Variants in STK32A observed in about 807,000 individuals in gnomAD.
STK32A encodes the protein serine/threonine-protein kinase 32A.
STK32A carries 41 observed loss-of-function variants against 53.2 expected under a neutral mutation model. The ratio of observed to expected loss-of-function variants is 0.77; its 90% CI spans 0.60 to 1.00. STK32A has a LOEUF of 1.00. STK32A is among the 50% of genes least tolerant of loss of function. The pLI is 0.00. For synonymous variants in STK32A, 166 were observed against 162.8 expected, an observed-to-expected ratio of 1.02 and a Z score of -0.15; for missense variants, 458 against 485.8, an observed-to-expected ratio of 0.94 and a Z score of 0.54.
At chr5:147,302,715 C>T (rs1428821204) in intron 4 of STK32A, among the ~76,000 whole-genome samples, 2 of 152,092 alleles carry the variant, frequency 1.3e-5, no homozygotes, top group Admixed American at 1.3e-4. Context: ...GAGAGGTAAG[C>T]TATAATCTAA....
At chr5:147,328,141 C>A (rs1397061404) in intron 5 of STK32A, among the ~76,000 whole-genome samples, 1 of 152,174 alleles carries the variant, frequency 6.6e-6, no homozygotes, top group East Asian at 1.9e-4. Context: ...GTAAATGGGA[C>A]TTTTAACAGC....
Position 147,323,898 on chromosome 5 carries a change from G to T in STK32A, c.261G>T (p.Trp87Cys), listed in dbSNP as rs1183816458. ...GTTTTCTCTTCTAATGTAATTCCAG[G>T]TATTCCTTCCAAGATGAGGAAGACA... is the stretch of plus-strand genomic sequence containing the variant. ...GLEHPFLVNLWYSFQDEEDMF... is the reference protein window; with the variant it reads ...GLEHPFLVNLCYSFQDEEDMF... Residue 87 changes from tryptophan to cysteine, a missense_variant and splice_region_variant, in exon 5 of 13, where the codon TGG becomes TGT. Coordinates refer to ENST00000397936, the MANE Select transcript of STK32A (RefSeq NM_001112724.2). The T allele has an allele frequency of 6.8e-6, 11 of 1,611,420 alleles. No individual in the cohort carries two copies. The highest frequency in any genetic ancestry group is 2.2e-5 in the East Asian group (1 of 44,844).
intron 4 of STK32A, among the ~76,000 whole-genome samples, chr5:147,313,359 T>C (rs1303209794): frequency 6.6e-6 from 1 of 152,172 alleles, no homozygotes; most frequent in Non-Finnish European, 1.5e-5. Context: ...TGGGGACAGG[T>C]TGAGTAATCA....
intron 4 of STK32A, among the ~76,000 whole-genome samples, chr5:147,306,030 C>T (rs1561707298): frequency 6.6e-6 from 1 of 151,646 alleles, no homozygotes; most frequent in Non-Finnish European, 1.5e-5. Flanking sequence ...AGCTGGCAAA[C>T]AATTTTCCAA....
intron 2 of STK32A, among the ~76,000 whole-genome samples, chr5:147,247,604 G>A (rs1032988955): frequency 1.3e-5 from 2 of 152,108 alleles, no homozygotes; most frequent in African/African-American, 2.4e-5. Context: ...TTTCTGTGAT[G>A]GGCCTGATAC....
rs184520074 is a variant in STK32A at position 147,374,690 on chromosome 5, A to G, written c.904-400A>G. Among the ~76,000 whole-genome samples the G allele has an allele frequency of 3.6e-3, 547 of 152,228 alleles. 2 individuals carry two copies. Among genetic ancestry groups the G allele is most frequent in the South Asian group, 0.019 (94 of 4,826 alleles). ...ATCGGAATCATCTGGGAAGCTCATT[A>G]AAGTGCAAGTTCTTGGACCTCACAT... On this transcript the variant is annotated intron_variant, in intron 10 of 12. Coordinates refer to ENST00000397936, the MANE Select transcript of STK32A (RefSeq NM_001112724.2).
At chr5:147,372,647 A>C (rs1462470798) in intron 9 of STK32A, among the ~76,000 whole-genome samples, 1 of 152,046 alleles carries the variant, frequency 6.6e-6, no homozygotes, top group African/African-American at 2.4e-5. Context: ...TCAATTAGTA[A>C]AATCTAGAAC....
At chr5:147,298,524 G>A (rs985121855) in intron 4 of STK32A, among the ~76,000 whole-genome samples, 2 of 152,184 alleles carry the variant, frequency 1.3e-5, no homozygotes, top group Non-Finnish European at 2.9e-5. Flanking sequence ...AAGAGGCATG[G>A]TAAGTATTCA....
chr5:147,250,304 G>C (rs1483067426), intron 2 of STK32A, among the ~76,000 whole-genome samples: 1 of 152,112 alleles, frequency 6.6e-6, no homozygotes, highest in Non-Finnish European at 1.5e-5. Context: ...GGAAACATCT[G>C]GGATGGAGAC....
chr5:147,253,765 G>A (rs1754102707), intron 2 of STK32A, among the ~76,000 whole-genome samples: 1 of 152,216 alleles, frequency 6.6e-6, no homozygotes. Flanking sequence ...CTGTGCCTTA[G>A]TTGATGGCCC....
chr5:147,304,223 G>T (rs1285684419), intron 4 of STK32A, among the ~76,000 whole-genome samples: 1 of 152,186 alleles, frequency 6.6e-6, no homozygotes, highest in Non-Finnish European at 1.5e-5. Flanking sequence ...TCCTGGGAGA[G>T]AATCCAACTG....
At chr5:147,328,467 CGTTGTTAAA>C (rs1561723753) in intron 5 of STK32A, among the ~76,000 whole-genome samples, 3 of 152,114 alleles carry the variant, frequency 2.0e-5, no homozygotes, top group Non-Finnish European at 4.4e-5. Context: ...TCTTTTCTAT[CGTTGTTAAA>C]GACACAGGGT....
chr5:147,326,128 A>G (rs992133624), intron 5 of STK32A, among the ~76,000 whole-genome samples: 2 of 151,862 alleles, frequency 1.3e-5, no homozygotes, highest in Admixed American at 1.3e-4. Flanking sequence ...TATTGATACA[A>G]TTTTTCCCCA....
At chr5:147,376,715 C>T (rs1326619743) in intron 11 of STK32A, among the ~76,000 whole-genome samples, 2 of 152,134 alleles carry the variant, frequency 1.3e-5, no homozygotes, top group Non-Finnish European at 2.9e-5. Flanking sequence ...AGGCCTTTGC[C>T]CTTGCTCTTC....
rs758787678 is a variant in STK32A at position 147,279,346 on chromosome 5, A to G, written c.208A>G (p.Lys70Glu). The G allele has an allele frequency of 6.2e-7, 1 of 1,612,202 alleles. No homozygotes were observed. The highest frequency in any genetic ancestry group is 1.1e-5 in the South Asian group (1 of 90,648). Reference sequence around the variant, plus strand: ...GCGCAATGAAGTGAGAAATGTCTTCAAGGAACTCCAGATCATGCAGGGTCT... The same window carrying G: ...GCGCAATGAAGTGAGAAATGTCTTCGAGGAACTCCAGATCATGCAGGGTCT... ...VERNEVRNVFKELQIMQGLEH... is the reference protein window; with the variant it reads ...VERNEVRNVFEELQIMQGLEH... Residue 70 changes from lysine (K) to glutamate (E), a missense_variant, in exon 4 of 13, where the codon AAG becomes GAG. By Grantham distance (56) the Lys-to-Glu change is moderately conservative. Coordinates refer to ENST00000397936, the MANE Select transcript of STK32A (RefSeq NM_001112724.2).
chr5:147,329,148 T>C (rs1312687163), intron 5 of STK32A, among the ~76,000 whole-genome samples: 1 of 152,178 alleles, frequency 6.6e-6, no homozygotes, highest in Non-Finnish European at 1.5e-5. Flanking sequence ...AAAAGAAGAT[T>C]TATGGCTGTG....
chr5:147,348,710 A>T (rs750410425), intron 6 of STK32A: 2 of 774,108 alleles, frequency 2.6e-6, no homozygotes, highest in Non-Finnish European at 4.8e-6. Context: ...TGGCTCTCCT[A>T]CAAGTCCCAC....
At chr5:147,392,180 G>A (rs1757829254), downstream of STK32A, 1 of 152,236 alleles carries the variant, frequency 6.6e-6, no homozygotes, top group African/African-American at 2.4e-5. Context: ...CATCTTTGAA[G>A]TGTAAACTAA....
chr5:147,291,108 T>G (rs142996873), intron 4 of STK32A, among the ~76,000 whole-genome samples: 40 of 152,314 alleles, frequency 2.6e-4, no homozygotes, highest in African/African-American at 8.9e-4. Flanking sequence ...CCCATACTCA[T>G]GTTTCTCTAA....
Sources: allele counts gnomAD v4.1 joint callset (sites outside exome capture counted in the v4.1 genomes callset), GRCh38; gene constraint gnomAD v4.1.1; transcripts MANE v1.5; gene names NCBI Gene and HGNC (gene_info 2026-07-23, HGNC 2026-07-21).